ADGRE1: variants seen among roughly 807,000 people sequenced by gnomAD.
ADGRE1 encodes adhesion G protein-coupled receptor E1, also known as EGF-like module receptor 1.
A neutral mutation model predicts 102.7 loss-of-function variants in ADGRE1; 82 were observed. That is an observed-to-expected ratio of 0.80 (90% CI 0.67 to 0.96). The LOEUF is 0.96. ADGRE1 is among the 40% of genes least tolerant of loss of function. The probability of loss-of-function intolerance (pLI) is 0.00; values close to 1 mark genes in which losing one functional copy is unlikely to be tolerated. For missense variants in ADGRE1, 1,032 were observed against 1,085.3 expected (o/e 0.95, Z 0.69); for synonymous variants, 398 against 399.6 (o/e 1.00, Z 0.05).
At chr19:6,930,403 C>T (rs1349689840) in intron 17 of ADGRE1, among the ~76,000 whole-genome samples, 1 of 152,056 alleles carries the variant, frequency 6.6e-6, no homozygotes, top group Admixed American at 6.6e-5. Flanking sequence ...GGCTCATTCC[C>T]TTATGTCTTT....
rs763209794 is a variant in ADGRE1 at position 6,924,827 on chromosome 19, G to A, written c.1941G>A (p.Leu647=). The A allele has an allele frequency of 1.9e-6, 3 of 1,613,978 alleles. No individual in the cohort carries two copies. The highest frequency in any genetic ancestry group is 2.5e-6 in the Non-Finnish European group (3 of 1,180,024). Reference sequence around the variant, plus strand: ...TGCACCTCTGCGTGTGTCTCCTCTTGGCGAAGACTCTCTTCCTCGCCGGTA... The same window carrying A: ...TGCACCTCTGCGTGTGTCTCCTCTTAGCGAAGACTCTCTTCCTCGCCGGTA... ...LHLHLCVCLL[L]AKTLFLAGIH... is the part of the protein sequence containing the mutation. The change falls in exon 15 of 21, where the codon TTG becomes TTA. Residue 647 remains leucine (L), a synonymous_variant. Transcript: ENST00000312053.
intron 14 of ADGRE1, 53 bp from the exon 15 acceptor site, chr19:6,924,625 T>C (rs1283135855): frequency 1.3e-5 from 20 of 1,547,108 alleles, no homozygotes; most frequent in Non-Finnish European, 1.7e-5. Context: ...TCTTCCCGCC[T>C]GGGGGGATTT....
At chr19:6,907,388 G>GCAAC (rs1159254936) in intron 9 of ADGRE1, among the ~76,000 whole-genome samples, 2 of 151,274 alleles carry the variant, frequency 1.3e-5, no homozygotes, top group Non-Finnish European at 2.9e-5. Flanking sequence ...GCCCAGGCTG[G>GCAAC]AGTGCAGTGG....
At chr19:6,916,726 A>G (rs1218118207) in intron 12 of ADGRE1, among the ~76,000 whole-genome samples, 1 of 151,562 alleles carries the variant, frequency 6.6e-6, no homozygotes, top group Admixed American at 6.6e-5. Context: ...CATCTTTTTT[A>G]TATTTAAAAT....
At chr19:6,939,259 T>G (rs1434881257) in intron 20 of ADGRE1, among the ~76,000 whole-genome samples, 1 of 152,182 alleles carries the variant, frequency 6.6e-6, no homozygotes, top group Non-Finnish European at 1.5e-5. Context: ...ATAGTTTTAA[T>G]GAAAAAGACA....
Position 6,889,342 on chromosome 19 carries a change from G to A in ADGRE1, c.32-1139G>A, listed in dbSNP as rs910241399. Among the ~76,000 whole-genome samples the A allele has an allele frequency of 5.9e-5, 9 of 151,992 alleles. No homozygotes were observed. In the East Asian group the frequency reaches 1.3e-3, roughly 23 times the overall value. On this transcript the variant is annotated intron_variant, in intron 1 of 20. Transcript: ENST00000312053. ...TGATGATGATAGTGATAATGATGGC[G>A]ATAATGATGATGGTGCAGGAGACCT...
chr19:6,910,296 T>G (rs779709722), intron 10 of ADGRE1, among the ~76,000 whole-genome samples: 1 of 152,082 alleles, frequency 6.6e-6, no homozygotes. Flanking sequence ...AATATTCCAA[T>G]TCCCCCCTCC....
At chr19:6,913,471 C>A (rs965090387) in intron 10 of ADGRE1, among the ~76,000 whole-genome samples, 182 bp from the exon 11 acceptor site, 2 of 152,180 alleles carry the variant, frequency 1.3e-5, no homozygotes, top group Admixed American at 1.3e-4. Context: ...TGAGCCACTG[C>A]ACCCGGCCTG....
intron 12 of ADGRE1, among the ~76,000 whole-genome samples, chr19:6,916,769 A>G (rs1243430099): frequency 2.0e-5 from 3 of 151,178 alleles, no homozygotes; most frequent in African/African-American, 4.8e-5. Flanking sequence ...AAATTTTTAA[A>G]ATATGTAATA....
chr19:6,904,485 A>T (rs2144916585), intron 8 of ADGRE1, among the ~76,000 whole-genome samples: 1 of 150,482 alleles, frequency 6.6e-6, no homozygotes, highest in African/African-American at 2.4e-5. Context: ...ACACCCAATT[A>T]TTTAATTATA....
At chr19:6,888,174 C>G (rs1973216709) in intron 1 of ADGRE1, among the ~76,000 whole-genome samples, 1 of 152,198 alleles carries the variant, frequency 6.6e-6, no homozygotes, top group African/African-American at 2.4e-5. Context: ...TCAAGCCAGA[C>G]AGTCTGACTT....
At chr19:6,932,542 G>A (rs1165702728) in intron 17 of ADGRE1, among the ~76,000 whole-genome samples, 1 of 152,116 alleles carries the variant, frequency 6.6e-6, no homozygotes, top group Non-Finnish European at 1.5e-5. Flanking sequence ...CATTTTTGGT[G>A]TTTTGTAGCG....
Position 6,890,502 on chromosome 19 carries a change from G to T in ADGRE1, c.53G>T (p.Trp18Leu), listed in dbSNP as rs768800037. 1 of 1,609,074 alleles carries T rather than the reference G, an allele frequency of 6.2e-7. No individual in the cohort carries two copies. The highest frequency in any genetic ancestry group is 8.5e-7 in the Non-Finnish European group (1 of 1,178,800). Reference sequence around the variant, plus strand: ...ACAGGATGTTGTGTTATGCACAGCTGGGAAGGGCACATAAGACCCACACGG... The same window carrying T: ...ACAGGATGTTGTGTTATGCACAGCTTGGAAGGGCACATAAGACCCACACGG... The part of the protein sequence containing the change: ...LFWGCCVMHS[W>L]EGHIRPTRKP... Residue 18 changes from tryptophan (W) to leucine (L), a missense_variant, in exon 2 of 21, where the codon TGG becomes TTG. Trp to Leu is a moderately conservative substitution (Grantham distance 61). Transcript: ENST00000312053.
intron 14 of ADGRE1, among the ~76,000 whole-genome samples, chr19:6,922,612 T>TCTCA (rs1285686495): frequency 1.9e-3 from 234 of 123,236 alleles, no homozygotes; most frequent in African/African-American, 6.6e-3. Context: ...AGACTCTGTC[T>TCTCA]CACACACACA....
chr19:6,892,413 A>C (rs944921145), intron 2 of ADGRE1, among the ~76,000 whole-genome samples: 15 of 152,038 alleles, frequency 9.9e-5, no homozygotes, highest in Non-Finnish European at 2.9e-5. Context: ...CTCACATCCA[A>C]TCCATCGGCA....
intron 20 of ADGRE1, 23 bp downstream of exon 20, chr19:6,937,671 C>T (rs763249319): frequency 3.0e-4 from 478 of 1,609,296 alleles, no homozygotes; most frequent in Non-Finnish European, 3.9e-4. Context: ...ATGCTCCCTG[C>T]AGGTGCTGGT....
At chr19:6,896,775 C>CCTTT in intron 3 of ADGRE1, 1 of 426,236 alleles carries the variant, frequency 2.3e-6, no homozygotes, top group South Asian at 3.9e-5. Context: ...TGATTTTCTT[C>CCTTT]CTTCCTTCCT....
chr19:6,904,207 G>A, intron 8 of ADGRE1, 25 bp downstream of exon 8: 4 of 1,609,128 alleles, frequency 2.5e-6, no homozygotes, highest in Non-Finnish European at 3.4e-6. Flanking sequence ...GTATGTCTTG[G>A]CAATGGAATC....
chr19:6,937,319 C>G lies in ADGRE1; in HGVS notation c.2458C>G (p.Pro820Ala). The stretch of plus-strand genomic sequence containing the variant: ...GGTGCTGGGCATTTTTCAGATTGGA[C>G]CTGTGGCAGGTGTCATGGCTTACCT... Reference protein sequence around the residue: ...SWVLGIFQIGPVAGVMAYLFT... With the variant: ...SWVLGIFQIGAVAGVMAYLFT... Residue 820 changes from proline to alanine, a missense_variant, in exon 19 of 21, where the codon CCT becomes GCT. Physicochemically the swap from Pro to Ala is conservative, Grantham distance 27. Transcript: ENST00000312053. 6.2e-7 allele frequency: 1 copy of G among 1,614,138 alleles called. No homozygotes were observed. Among genetic ancestry groups the G allele is most frequent in the Middle Eastern group, 1.7e-4 (1 of 6,052 alleles).
Sources: gnomAD v4.1 joint callset for allele counts (sites outside exome capture counted in the v4.1 genomes callset) on GRCh38, gnomAD v4.1.1 for gene constraint, MANE v1.5 for transcripts, NCBI Gene and HGNC (gene_info 2026-07-23, HGNC 2026-07-21) for gene names.